CNTN5: variants seen among roughly 807,000 people sequenced by gnomAD.
CNTN5 encodes contactin-5.
CNTN5 carries 77 observed loss-of-function variants against 129.1 expected under a neutral mutation model. The ratio of observed to expected loss-of-function variants is 0.60; its 90% CI spans 0.50 to 0.72. The LOEUF is 0.72. Among genes scored for constraint, CNTN5 ranks in the 30% least tolerant of loss-of-function variants. The probability of loss-of-function intolerance (pLI) is 0.00; values close to 1 mark genes in which losing one functional copy is unlikely to be tolerated. For synonymous variants in CNTN5, 509 were observed against 465.6 expected, an observed-to-expected ratio of 1.09 and a Z score of -1.20; for missense variants, 1,478 against 1,328.8, an observed-to-expected ratio of 1.11 and a Z score of -1.75.
rs916374104 is a variant in CNTN5 at position 99,619,730 on chromosome 11, A to C, written c.55+63461A>C. ...TCAGGTCTTACATAAAATGTGAAAT[A>C]CTAAGAAACAAAGCTGTCGGGCGTG... is the stretch of plus-strand genomic sequence containing the variant. On this transcript the variant is annotated intron_variant, in intron 3 of 24. Coordinates refer to ENST00000524871, the MANE Select transcript of CNTN5 (RefSeq NM_014361.4). Among the ~76,000 whole-genome samples, 13 of 152,288 alleles carry C rather than the reference A, an allele frequency of 8.5e-5. 1 individual carries two copies. The highest frequency in any genetic ancestry group is 3.1e-4 in the African/African-American group (13 of 41,558).
chr11:100,297,731 G>C, intron 19 of CNTN5, 36 bp downstream of exon 19: 1 of 1,441,438 alleles, frequency 6.9e-7, no homozygotes, highest in Non-Finnish European at 9.6e-7. Context: ...ATTACTCCAC[G>C]TGTTTGTTTG....
In CNTN5 at chr11:99,908,851, A is replaced by G. The variant is rs528353490; in HGVS notation, c.578-7203A>G. Among the ~76,000 whole-genome samples, 16 of 152,224 alleles carry G rather than the reference A, an allele frequency of 1.1e-4. No homozygotes were observed. In the South Asian group the frequency reaches 2.3e-3, roughly 22 times the overall value. On this transcript the variant is annotated intron_variant, in intron 6 of 24. Transcript: ENST00000524871. ...TAAAAGTGTCTTTTTCAAGGGAAGCATATGCTGGTTTTCTTTGGTTTCTTT... is the reference window on the plus strand; with the variant it reads ...TAAAAGTGTCTTTTTCAAGGGAAGCGTATGCTGGTTTTCTTTGGTTTCTTT...
chr11:99,461,961 G>A (rs1944716394), intron 2 of CNTN5, among the ~76,000 whole-genome samples: 1 of 152,074 alleles, frequency 6.6e-6, no homozygotes, highest in South Asian at 2.1e-4. Flanking sequence ...AAACTTCAAA[G>A]CATGTTCTAT....
chr11:99,468,596 A>AT (rs1276788450), intron 2 of CNTN5, among the ~76,000 whole-genome samples: 1 of 151,900 alleles, frequency 6.6e-6, no homozygotes, highest in Non-Finnish European at 1.5e-5. Flanking sequence ...TTTCCACTCA[A>AT]ATTCTTTCCA....
At chr11:99,111,913 G>T (rs1857815497) in intron 1 of CNTN5, among the ~76,000 whole-genome samples, 1 of 151,916 alleles carries the variant, frequency 6.6e-6, no homozygotes, top group African/African-American at 2.4e-5. Context: ...GTTCAAAAAA[G>T]ATTACCAGCA....
intron 1 of CNTN5, among the ~76,000 whole-genome samples, chr11:99,278,211 TA>T (rs150053998): frequency 0.014 from 2,049 of 151,696 alleles, 47 homozygotes; most frequent in African/African-American, 0.046. Flanking sequence ...TACTTGAATA[TA>T]ATATTTATTA....
At chr11:100,300,521 G>A (rs546784412) in intron 20 of CNTN5, among the ~76,000 whole-genome samples, 1 of 151,502 alleles carries the variant, frequency 6.6e-6, no homozygotes, top group Non-Finnish European at 1.5e-5. Flanking sequence ...GACTTGAACA[G>A]CTCAAGAGTA....
intron 3 of CNTN5, among the ~76,000 whole-genome samples, chr11:99,566,207 T>G (rs546357135): frequency 4.6e-5 from 7 of 152,180 alleles, no homozygotes; most frequent in African/African-American, 1.7e-4. Context: ...GAGATCTGGT[T>G]GTTTAAAAGA....
chr11:99,315,660 T>C (rs1865307908), intron 1 of CNTN5, among the ~76,000 whole-genome samples: 1 of 149,424 alleles, frequency 6.7e-6, no homozygotes, highest in South Asian at 2.1e-4. Context: ...ATTAAAAAGG[T>C]AAAAATTATG....
Position 99,855,234 on chromosome 11 carries a change from G to A in CNTN5, c.577+9972G>A, listed in dbSNP as rs535742233. ...TAAGGTGGGATGATCTGTTGAGCCC[G>A]GGAGTACTAGGTGAGCTATGATCAC... On this transcript the variant is annotated intron_variant, in intron 6 of 24. Coordinates refer to ENST00000524871, the MANE Select transcript of CNTN5 (RefSeq NM_014361.4). 1.1e-4 allele frequency among the ~76,000 whole-genome samples: 17 copies of A among 152,170 alleles called. No individual in the cohort carries two copies. In the South Asian group the frequency reaches 2.3e-3, roughly 20 times the overall value.
intron 3 of CNTN5, among the ~76,000 whole-genome samples, chr11:99,709,554 A>G (rs1954887139): frequency 6.6e-6 from 1 of 151,894 alleles, no homozygotes; most frequent in African/African-American, 2.4e-5. Context: ...AATTGTATAT[A>G]TAAACCTCAC....
intron 3 of CNTN5, among the ~76,000 whole-genome samples, chr11:99,732,504 A>G (rs1307339161): frequency 6.6e-6 from 1 of 152,204 alleles, no homozygotes; most frequent in African/African-American, 2.4e-5. Context: ...GAACAAAGAC[A>G]GTGATCATCG....
chr11:100,134,263 A>C (rs1946460280), intron 13 of CNTN5, among the ~76,000 whole-genome samples: 1 of 152,114 alleles, frequency 6.6e-6, no homozygotes, highest in Non-Finnish European at 1.5e-5. Flanking sequence ...TGAACTTAGA[A>C]GGGCAGGCTG....
intron 13 of CNTN5, among the ~76,000 whole-genome samples, chr11:100,098,096 T>G (rs991212396): frequency 1.4e-4 from 22 of 152,036 alleles, no homozygotes; most frequent in Admixed American, 3.3e-4. Flanking sequence ...CATGCAAACG[T>G]TCTTTCTGGT....
At chr11:99,193,707 G>T (rs1858759171) in intron 1 of CNTN5, among the ~76,000 whole-genome samples, 1 of 152,058 alleles carries the variant, frequency 6.6e-6, no homozygotes, top group African/African-American at 2.4e-5. Context: ...AACAACCCAT[G>T]GGCAACCCAG....
intron 1 of CNTN5, among the ~76,000 whole-genome samples, chr11:99,025,591 G>C (rs1055916163): frequency 2.0e-5 from 3 of 151,636 alleles, no homozygotes; most frequent in Admixed American, 6.6e-5. Flanking sequence ...TCTTCCTTTT[G>C]TGAGTTATAA....
At chr11:99,076,677 G>A (rs972951896) in intron 1 of CNTN5, among the ~76,000 whole-genome samples, 23 of 152,028 alleles carry the variant, frequency 1.5e-4, no homozygotes, top group African/African-American at 5.6e-4. Flanking sequence ...GGACATTTAT[G>A]TCTACTGTAG....
chr11:100,297,847 C>T (rs766944935), intron 19 of CNTN5, among the ~76,000 whole-genome samples, 152 bp downstream of exon 19: 19 of 151,524 alleles, frequency 1.3e-4, no homozygotes, highest in Non-Finnish European at 2.2e-4. Flanking sequence ...ATAAATGCCA[C>T]GTTACCCTGG....
chr11:99,199,025 T>C (rs1859039047), intron 1 of CNTN5, among the ~76,000 whole-genome samples: 1 of 152,146 alleles, frequency 6.6e-6, no homozygotes, highest in Admixed American at 6.5e-5. Context: ...AAAGAAGGAA[T>C]AAATATTACT....
Sources: gnomAD v4.1 joint callset for allele counts (sites outside exome capture counted in the v4.1 genomes callset) on GRCh38, gnomAD v4.1.1 for gene constraint, MANE v1.5 for transcripts, NCBI Gene and HGNC (gene_info 2026-07-23, HGNC 2026-07-21) for gene names.